Variants in VAV1 observed in about 807,000 individuals in gnomAD.
VAV1 encodes proto-oncogene vav.
A neutral mutation model predicts 128.1 loss-of-function variants in VAV1; 33 were observed. The ratio of observed to expected loss-of-function variants is 0.26; its 90% CI spans 0.20 to 0.34. The LOEUF (loss-of-function observed/expected upper bound fraction) is 0.34, where lower values mean the gene tolerates loss of function less well. Among genes scored for constraint, VAV1 ranks in the 10% least tolerant of loss-of-function variants. The pLI, the probability that VAV1 is intolerant of heterozygous loss-of-function variation, is 1.00. For missense variants in VAV1, 715 were observed against 1,093.7 expected (o/e 0.65, Z 4.88); for synonymous variants, 394 against 409.8 (o/e 0.96, Z 0.47).
intron 1 of VAV1, among the ~76,000 whole-genome samples, chr19:6,804,848 C>T (rs1971355406): frequency 6.6e-6 from 1 of 151,384 alleles, no homozygotes; most frequent in Non-Finnish European, 1.5e-5. Flanking sequence ...TTCAGCCTCC[C>T]AAGTAGCTGG....
chr19:6,837,563 C>G (rs937366867), intron 21 of VAV1, among the ~76,000 whole-genome samples: 2 of 152,208 alleles, frequency 1.3e-5, no homozygotes, highest in South Asian at 4.2e-4. Context: ...GCAAATGACC[C>G]CACTGTACAC....
chr19:6,845,817 T>C (rs1045161642), intron 22 of VAV1, among the ~76,000 whole-genome samples: 1 of 147,990 alleles, frequency 6.8e-6, no homozygotes, highest in Non-Finnish European at 1.5e-5. Flanking sequence ...ATTTATTCTT[T>C]AAATTGTATA....
At chr19:6,789,657 G>T (rs1366233442) in intron 1 of VAV1, among the ~76,000 whole-genome samples, 1 of 151,234 alleles carries the variant, frequency 6.6e-6, no homozygotes, top group Non-Finnish European at 1.5e-5. Flanking sequence ...GACTACAGTG[G>T]TGTGATCTTG....
chr19:6,797,132 T>G (rs1479028709), intron 1 of VAV1, among the ~76,000 whole-genome samples: 2 of 151,176 alleles, frequency 1.3e-5, no homozygotes, highest in Non-Finnish European at 2.9e-5. Context: ...CTCAGGAGGC[T>G]GAGGCAGGAG....
intron 1 of VAV1, among the ~76,000 whole-genome samples, chr19:6,804,207 C>A (rs1054200682): frequency 1.3e-5 from 2 of 151,226 alleles, no homozygotes; most frequent in Non-Finnish European, 2.9e-5. Flanking sequence ...GCAGGCAAGC[C>A]CCAAAGTGGG....
At chr19:6,788,709 T>C (rs1295231374) in intron 1 of VAV1, among the ~76,000 whole-genome samples, 1 of 151,878 alleles carries the variant, frequency 6.6e-6, no homozygotes, top group East Asian at 1.9e-4. Context: ...AGGTGGGAGG[T>C]GGCTGGTCAC....
intron 1 of VAV1, among the ~76,000 whole-genome samples, chr19:6,801,942 C>T (rs332425): frequency 6.6e-6 from 1 of 151,968 alleles, no homozygotes; most frequent in Non-Finnish European, 1.5e-5. Context: ...CATATGGGCA[C>T]GATGCCAGCA....
At chr19:6,787,256 A>G (rs1599621969) in intron 1 of VAV1, among the ~76,000 whole-genome samples, 1 of 150,932 alleles carries the variant, frequency 6.6e-6, no homozygotes, top group Non-Finnish European at 1.5e-5. Context: ...GCTCACTGCA[A>G]CCTCCATCTC....
intron 15 of VAV1, among the ~76,000 whole-genome samples, chr19:6,832,653 T>TTCCTCCTCC (rs151222361): frequency 1.7e-5 from 2 of 119,664 alleles, no homozygotes; most frequent in East Asian, 2.2e-4. Context: ...CCTCCCCTTC[T>TTCCTCCTCC]TCCTCCTCCT....
At chr19:6,804,248 C>CAG (rs970697177) in intron 1 of VAV1, among the ~76,000 whole-genome samples, 3 of 150,962 alleles carry the variant, frequency 2.0e-5, no homozygotes, top group Non-Finnish European at 4.4e-5. Context: ...TGGTTTCACC[C>CAG]AAGAAGCCTC....
chr19:6,793,544 T>C (rs1363211850), intron 1 of VAV1, among the ~76,000 whole-genome samples: 1 of 151,758 alleles, frequency 6.6e-6, no homozygotes, highest in Non-Finnish European at 1.5e-5. Flanking sequence ...CCAGTGCTTA[T>C]ATAGTACAGG....
chr19:6,827,940 T>C (rs1971958571), intron 9 of VAV1, 136 bp from the exon 10 acceptor site: 4 of 686,002 alleles, frequency 5.8e-6, no homozygotes, highest in Non-Finnish European at 1.0e-5. Context: ...ATATGATGCT[T>C]TGGCCTCTAG....
rs1452687480 is a variant in VAV1, at chr19:6,810,808, TA to T, written c.205-9893del. 2.6e-5 allele frequency among the ~76,000 whole-genome samples: 4 copies of T among 152,172 alleles called. No homozygotes were observed. The East Asian group carries it at 7.7e-4, about 29-fold the overall frequency. On this transcript the variant is annotated intron_variant, in intron 1 of 26. Transcript: ENST00000602142. ...TGCTGGGTGGTAATGGCACCATTGT[TA>T]GATGAAGAGGCTGGAGGGAGAGCAA... is the stretch of plus-strand genomic sequence containing the variant.
At chr19:6,837,148 G>A (rs1040155402) in intron 21 of VAV1, 98 bp downstream of exon 21, 4 of 1,296,402 alleles carry the variant, frequency 3.1e-6, no homozygotes, top group Admixed American at 3.5e-5. Flanking sequence ...AGTTGGGGAG[G>A]GGGCTGCCCA....
chr19:6,833,858 G>C, intron 18 of VAV1, 50 bp from the exon 19 acceptor site: 2 of 1,613,948 alleles, frequency 1.2e-6, no homozygotes, highest in Non-Finnish European at 1.7e-6. Context: ...GGGCCTACAA[G>C]CCCCCAGGCT....
chr19:6,775,022 T>A (rs1229713945), intron 1 of VAV1, among the ~76,000 whole-genome samples: 1 of 151,442 alleles, frequency 6.6e-6, no homozygotes, highest in Admixed American at 6.6e-5. Flanking sequence ...CACCTCGGCC[T>A]CTCGAAAGGC....
intron 14 of VAV1, among the ~76,000 whole-genome samples, chr19:6,831,853 A>AGTGTGT (rs112497070): frequency 8.2e-5 from 12 of 146,648 alleles, no homozygotes; most frequent in African/African-American, 1.2e-4. Context: ...TGCAAAGGGG[A>AGTGTGT]GTGTGTGTGT....
At chr19:6,838,390 TCTATC>T (rs1972281912) in intron 21 of VAV1, among the ~76,000 whole-genome samples, 2 of 111,656 alleles carry the variant, frequency 1.8e-5, no homozygotes, top group East Asian at 4.9e-4. Flanking sequence ...AATCAGTTCT[TCTATC>T]CATCCATCCA....
In VAV1 at chr19:6,825,106, C is replaced by T; in HGVS notation, c.708C>T (p.Ile236=). Residue 236 remains isoleucine, a synonymous_variant, in exon 7 of 27, where the codon ATC becomes ATT. Transcript: ENST00000602142. The stretch of plus-strand genomic sequence containing the variant: ...TGAAACCTCAAGACATTGAGATCAT[C>T]TTTATCAACATTGAGGTGAGCCGGC... The part of the protein sequence containing the change: ...RFLKPQDIEI[I]FINIEDLLRV... 6.2e-7 allele frequency: 1 copy of T among 1,612,816 alleles called. No individual in the cohort carries two copies. Among genetic ancestry groups the T allele is most frequent in the Non-Finnish European group, 8.5e-7 (1 of 1,179,970 alleles).
Sources: allele counts gnomAD v4.1 joint callset (sites outside exome capture counted in the v4.1 genomes callset), GRCh38; gene constraint gnomAD v4.1.1; transcripts MANE v1.5; gene names NCBI Gene and HGNC (gene_info 2026-07-23, HGNC 2026-07-21).